LINGO2: variants seen among roughly 807,000 people sequenced by gnomAD.
The protein encoded by LINGO2 is leucine-rich repeat and immunoglobulin-like domain-containing nogo receptor-interacting protein 2.
Under a neutral mutation model 30.6 loss-of-function variants are expected in LINGO2, and 14 were observed. The ratio of observed to expected loss-of-function variants is 0.46; its 90% confidence interval spans 0.30 to 0.72. The LOEUF (loss-of-function observed/expected upper bound fraction) is 0.72, where lower values mean the gene tolerates loss of function less well. Ranked by LOEUF, LINGO2 falls within the 30% of genes least tolerant of loss-of-function variation. LINGO2 has a pLI of 0.07. For missense variants in LINGO2, 729 were observed against 751.7 expected (o/e 0.97, Z 0.35); for synonymous variants, 317 against 288.5 (o/e 1.10, Z -1.00).
At chr9:28,081,307 A>G (rs1041328578) in intron 4 of LINGO2, among the ~76,000 whole-genome samples, 2 of 148,382 alleles carry the variant, frequency 1.3e-5, no homozygotes, top group African/African-American at 2.5e-5. Context: ...AAAAAAAAAA[A>G]GTTCACATTC....
chr9:28,105,137 A>T (rs1234715318), intron 4 of LINGO2, among the ~76,000 whole-genome samples: 3 of 152,152 alleles, frequency 2.0e-5, no homozygotes, highest in Admixed American at 6.6e-5. Flanking sequence ...GAAAGTAAGA[A>T]TATGCATGAA....
chr9:28,330,017 C>T (rs1441752032), intron 3 of LINGO2, among the ~76,000 whole-genome samples: 1 of 152,066 alleles, frequency 6.6e-6, no homozygotes, highest in East Asian at 1.9e-4. Flanking sequence ...CCATAACCCC[C>T]AATGCGATAG....
chr9:28,297,530 T>C lies in LINGO2; in HGVS notation c.-245-2164A>G, dbSNP rs10968461. Among the ~76,000 whole-genome samples the C allele has an allele frequency of 0.016, 2,471 of 152,276 alleles. 145 individuals carry two copies. The East Asian group carries it at 0.2, about 12-fold the overall frequency. ...TTCTTGTAACCAAGAAAGGCAGCAA[T>C]ATTACATCCAATCAAGATGATTAGC... On this transcript the variant is annotated intron_variant, in intron 3 of 5. Coordinates refer to ENST00000379992, the Ensembl canonical transcript of LINGO2.
the LINGO2 span, among the ~76,000 whole-genome samples, chr9:28,841,990 T>C: frequency 2.0e-5 from 3 of 151,820 alleles, no homozygotes; most frequent in Non-Finnish European, 4.4e-5. Flanking sequence ...GTGGTTTAAC[T>C]ATACTGAAAA....
intron 4 of LINGO2, among the ~76,000 whole-genome samples, chr9:28,211,713 C>CTT (rs1316138358): frequency 6.6e-6 from 1 of 151,450 alleles, no homozygotes; most frequent in Non-Finnish European, 1.5e-5. Context: ...GATTCACACT[C>CTT]TCTCTCTTTC....
chr9:28,361,776 A>T (rs1820455770), intron 3 of LINGO2, among the ~76,000 whole-genome samples: 1 of 152,122 alleles, frequency 6.6e-6, no homozygotes, highest in African/African-American at 2.4e-5. Flanking sequence ...CATTTCATTT[A>T]CTTTTTATCG....
chr9:28,077,743 T>C (rs2133203086), intron 4 of LINGO2, among the ~76,000 whole-genome samples: 1 of 148,556 alleles, frequency 6.7e-6, no homozygotes, highest in Non-Finnish European at 1.5e-5. Context: ...ATCTAGAGAT[T>C]TTTCAATGGT....
chr9:29,201,639 GCTTTA>G, the LINGO2 span, among the ~76,000 whole-genome samples: 2 of 151,808 alleles, frequency 1.3e-5, no homozygotes, highest in East Asian at 3.9e-4. Flanking sequence ...AAGTTCATTG[GCTTTA>G]CTTTTCTGTA....
chr9:29,211,462 G>A, the LINGO2 span, among the ~76,000 whole-genome samples: 1 of 152,018 alleles, frequency 6.6e-6, no homozygotes, highest in South Asian at 2.1e-4. Flanking sequence ...GAACTCCAAG[G>A]CCATTTCCCA....
chr9:28,759,941 C>T, the LINGO2 span, among the ~76,000 whole-genome samples: 1 of 152,026 alleles, frequency 6.6e-6, no homozygotes, highest in Non-Finnish European at 1.5e-5. Flanking sequence ...CCATCATCTA[C>T]CACTTTCCCT....
the LINGO2 span, among the ~76,000 whole-genome samples, chr9:29,210,614 A>AGTCTTCCCTG: frequency 6.6e-6 from 1 of 152,206 alleles, no homozygotes; most frequent in African/African-American, 2.4e-5. Flanking sequence ...ACTTTATATA[A>AGTCTTCCCTG]ATCTTCCCTG....
chr9:28,599,231 A>G (rs957326838), intron 1 of LINGO2: 3 of 152,188 alleles, frequency 2.0e-5, no homozygotes, highest in Non-Finnish European at 4.4e-5. Context: ...CTCAAGAAAT[A>G]GAACTGCTCC....
the LINGO2 span, among the ~76,000 whole-genome samples, chr9:29,094,341 G>A: frequency 9.4e-3 from 1,303 of 138,550 alleles, 253 homozygotes; most frequent in African/African-American, 0.034. Flanking sequence ...AAGCTATCAC[G>A]TTTCATTACA....
chr9:28,898,333 T>C, the LINGO2 span, among the ~76,000 whole-genome samples: 4 of 152,106 alleles, frequency 2.6e-5, no homozygotes, highest in African/African-American at 4.8e-5. Flanking sequence ...AGAAAAGATA[T>C]TCAATAACAC....
At position 28,663,165 on chromosome 9, in the gene LINGO2, A is replaced by AT. The variant is rs143151156; in HGVS notation, c.-365+7034dup. On this transcript the variant is annotated intron_variant, in intron 1 of 5. Transcript: ENST00000379992. The stretch of plus-strand genomic sequence containing the variant: ...TGCTAACATATTGAGGTGCAGTTGT[A>AT]TTTTTTTTTGTTGTTGTTGGTGGGG... 8.5e-3 allele frequency among the ~76,000 whole-genome samples: 1,290 copies of AT among 151,020 alleles called. 28 individuals are homozygous for AT. Among genetic ancestry groups the AT allele is most frequent in the Admixed American group, 0.036 (541 of 15,150 alleles).
intron 2 of LINGO2, among the ~76,000 whole-genome samples, chr9:28,426,320 G>A (rs946184609): frequency 6.6e-6 from 1 of 152,034 alleles, no homozygotes; most frequent in Non-Finnish European, 1.5e-5. Context: ...TTTAGTACAT[G>A]TACTGAAGTA....
chr9:27,960,961 G>A (rs1275036968), intron 5 of LINGO2, among the ~76,000 whole-genome samples: 1 of 151,974 alleles, frequency 6.6e-6, no homozygotes, highest in Non-Finnish European at 1.5e-5. Flanking sequence ...AAAGTATATA[G>A]ATGGTCTCCA....
chr9:28,720,920 C>T, the LINGO2 span, among the ~76,000 whole-genome samples: 1 of 151,988 alleles, frequency 6.6e-6, no homozygotes, highest in African/African-American at 2.4e-5. Context: ...AATAGTGAAT[C>T]ACTGGAGTGT....
the LINGO2 span, among the ~76,000 whole-genome samples, chr9:29,150,398 C>T: frequency 6.6e-6 from 1 of 152,142 alleles, no homozygotes; most frequent in Non-Finnish European, 1.5e-5. Flanking sequence ...AGCACACTAG[C>T]TCTATAATAA....
Sources: allele counts gnomAD v4.1 joint callset (sites outside exome capture counted in the v4.1 genomes callset), GRCh38; gene constraint gnomAD v4.1.1; transcripts MANE v1.5; gene names NCBI Gene and HGNC (gene_info 2026-07-23, HGNC 2026-07-21).